Variants in CNTN4 observed in about 807,000 individuals in gnomAD.
CNTN4 encodes the protein contactin 4.
CNTN4 carries 77 observed loss-of-function variants against 122.5 expected under a neutral mutation model. That is an observed-to-expected ratio of 0.63 (90% confidence interval 0.52 to 0.76). CNTN4 has a LOEUF of 0.76. Among genes scored for constraint, CNTN4 ranks in the 30% least tolerant of loss-of-function variants. CNTN4 has a pLI of 0.00. For missense variants in CNTN4, 1,256 were observed against 1,259.1 expected, an observed-to-expected ratio of 1.00 and a Z score of 0.04; for synonymous variants, 512 against 447.0, an observed-to-expected ratio of 1.15 and a Z score of -1.83.
intron 16 of CNTN4, among the ~76,000 whole-genome samples, chr3:3,033,183 A>C (rs1699324177): frequency 6.6e-6 from 1 of 152,186 alleles, no homozygotes; most frequent in African/African-American, 2.4e-5. Context: ...AAAACTAGTG[A>C]AAAAAATTAT....
At chr3:2,374,176 T>C (rs1432123356) in intron 3 of CNTN4, among the ~76,000 whole-genome samples, 1 of 152,170 alleles carries the variant, frequency 6.6e-6, no homozygotes, top group Non-Finnish European at 1.5e-5. Context: ...TGCATGGACA[T>C]TTATTTACCA....
At chr3:2,361,161 C>A in intron 3 of CNTN4, among the ~76,000 whole-genome samples, 1 of 152,276 alleles carries the variant, frequency 6.6e-6, no homozygotes, top group Admixed American at 6.5e-5. Flanking sequence ...CTTCTTTAAT[C>A]TTAATAGCAT....
chr3:2,710,364 G>A (rs901350877), intron 4 of CNTN4, among the ~76,000 whole-genome samples: 1 of 152,176 alleles, frequency 6.6e-6, no homozygotes, highest in African/African-American at 2.4e-5. Flanking sequence ...TATTAACTGT[G>A]CATTATTGTG....
At chr3:2,722,578 G>C (rs370616583) in intron 4 of CNTN4, among the ~76,000 whole-genome samples, 3 of 152,058 alleles carry the variant, frequency 2.0e-5, no homozygotes, top group Non-Finnish European at 4.4e-5. Context: ...CTCAATGGAC[G>C]TGCTTTTTAC....
chr3:2,863,244 A>G (rs1194559940), intron 7 of CNTN4, among the ~76,000 whole-genome samples: 1 of 152,122 alleles, frequency 6.6e-6, no homozygotes, highest in Non-Finnish European at 1.5e-5. Flanking sequence ...CTAAGTTAAT[A>G]TCTTGGTGAG....
intron 13 of CNTN4, among the ~76,000 whole-genome samples, chr3:2,951,651 ATGAAAAGG>A (rs1369487393): frequency 6.6e-6 from 1 of 151,418 alleles, no homozygotes; most frequent in Non-Finnish European, 1.5e-5. Flanking sequence ...AACTTTACAG[ATGAAAAGG>A]TCCTACAAGG....
chr3:2,477,849 C>A (rs1379026744), intron 3 of CNTN4, among the ~76,000 whole-genome samples: 1 of 152,152 alleles, frequency 6.6e-6, no homozygotes, highest in Non-Finnish European at 1.5e-5. Context: ...AGGCTGTGGC[C>A]ATTCAAGCAA....
chr3:3,031,095 A>C, intron 16 of CNTN4, 120 bp downstream of exon 16: 2 of 1,306,306 alleles, frequency 1.5e-6, no homozygotes, highest in Non-Finnish European at 2.2e-6. Context: ...GAAGCTGAAC[A>C]TTGTAAACAG....
chr3:2,506,494 T>A (rs2076734451), intron 3 of CNTN4, among the ~76,000 whole-genome samples: 1 of 152,230 alleles, frequency 6.6e-6, no homozygotes, highest in Non-Finnish European at 1.5e-5. Flanking sequence ...GAGATTCAAT[T>A]TCTTCCTCCA....
chr3:2,202,323 T>C lies in CNTN4; in HGVS notation c.-145+101684T>C, dbSNP rs918994571. ...GATAATCAGCTTAATGGGTGGTTGC[T>C]TACGCTTTCTGTGGGAAAACCATGG... On this transcript the variant is annotated intron_variant, in intron 2 of 24. Coordinates refer to ENST00000418658, the MANE Select transcript of CNTN4 (RefSeq NM_175607.3). Among the ~76,000 whole-genome samples the C allele has an allele frequency of 2.0e-5, 3 of 152,214 alleles. No individual in the cohort carries two copies. The South Asian group carries it at 6.2e-4, about 32-fold the overall frequency.
chr3:2,120,351 T>TTATATA (rs1222126807), intron 2 of CNTN4, among the ~76,000 whole-genome samples: 3 of 45,970 alleles, frequency 6.5e-5, no homozygotes, highest in East Asian at 9.5e-4. Flanking sequence ...GGCATTTAGG[T>TTATATA]TATATATATA....
intron 2 of CNTN4, among the ~76,000 whole-genome samples, chr3:2,214,300 G>A (rs781570099): frequency 4.7e-4 from 71 of 152,072 alleles, no homozygotes; most frequent in Non-Finnish European, 1.2e-4. Flanking sequence ...TTAGCACTTC[G>A]GAGCAGTGGG....
At chr3:2,340,706 T>TAGAGAGAGAGAGAGAGAGAGAGGGGGAG (rs1176854234) in intron 3 of CNTN4, among the ~76,000 whole-genome samples, 2 of 24,058 alleles carry the variant, frequency 8.3e-5, no homozygotes, top group Non-Finnish European at 1.1e-4. Flanking sequence ...TATATATATA[T>TAGAGAGAGAGAGAGAGAGAGAGGGGGAG]ATATAGAGAG....
At chr3:2,888,314 C>A (rs1328128365) in intron 10 of CNTN4, among the ~76,000 whole-genome samples, 3 of 152,130 alleles carry the variant, frequency 2.0e-5, no homozygotes. Context: ...CCTTGCTAAC[C>A]GCAATGAGCC....
chr3:2,386,499 G>A (rs941158916), intron 3 of CNTN4, among the ~76,000 whole-genome samples: 2 of 152,148 alleles, frequency 1.3e-5, no homozygotes, highest in African/African-American at 2.4e-5. Context: ...ATCATTGTTT[G>A]CAATATGTGT....
At chr3:2,400,713 G>C (rs969824364) in intron 3 of CNTN4, among the ~76,000 whole-genome samples, 1 of 150,878 alleles carries the variant, frequency 6.6e-6, no homozygotes, top group Non-Finnish European at 1.5e-5. Context: ...TTGAAGTGTT[G>C]TACCTATAAG....
chr3:2,582,903 CA>C (rs10554418), intron 4 of CNTN4, among the ~76,000 whole-genome samples: 105,191 of 140,670 alleles, frequency 0.75, 38,956 homozygotes, highest in East Asian at 0.91. Flanking sequence ...AGTTCTGATA[CA>C]AAAAAAAAAA....
At chr3:2,281,376 A>T (rs1290233227) in intron 2 of CNTN4, among the ~76,000 whole-genome samples, 1 of 152,014 alleles carries the variant, frequency 6.6e-6, no homozygotes, top group Non-Finnish European at 1.5e-5. Flanking sequence ...CCTAACCACA[A>T]CTATTATGCT....
chr3:2,479,210 T>C (rs780296901), intron 3 of CNTN4, among the ~76,000 whole-genome samples: 33 of 152,220 alleles, frequency 2.2e-4, no homozygotes, highest in Admixed American at 2.0e-3. Flanking sequence ...ATAATAACTT[T>C]ATCTGTTGTT....
Sources: gnomAD v4.1 joint callset for allele counts (sites outside exome capture counted in the v4.1 genomes callset) on GRCh38, gnomAD v4.1.1 for gene constraint, MANE v1.5 for transcripts, NCBI Gene and HGNC (gene_info 2026-07-23, HGNC 2026-07-21) for gene names.